PTPN11: variants seen among roughly 807,000 people sequenced by gnomAD.
PTPN11 encodes protein tyrosine phosphatase non-receptor type 11.
PTPN11 carries 6 observed loss-of-function variants against 78.8 expected under a neutral mutation model. That is an observed-to-expected ratio of 0.08 (90% CI 0.04 to 0.15). The LOEUF is 0.15. Among genes scored for constraint, PTPN11 ranks in the 10% least tolerant of loss-of-function variants. The pLI is 1.00. For synonymous variants in PTPN11, 221 were observed against 263.5 expected (o/e 0.84, Z 1.56); for missense variants, 386 against 744.8 (o/e 0.52, Z 5.61).
rs397507550 is a variant in PTPN11, at chr12:112,489,106, G to A, written c.1530G>A (p.Gln510=). The change falls in exon 13 of 16, where the codon CAG becomes CAA. Residue 510 remains glutamine, a synonymous_variant. Coordinates refer to ENST00000351677, the MANE Select transcript of PTPN11 (RefSeq NM_002834.5). ...QRSGMVQTEA[Q]YRFIYMAVQH... is the part of the protein sequence containing the mutation. ...CAGGGATGGTCCAGACAGAAGCACA[G>A]TACCGATTTATCTATATGGCGGTCC... is the stretch of plus-strand genomic sequence containing the variant. 8 of 1,614,098 alleles carry A rather than the reference G, an allele frequency of 5.0e-6. No homozygotes were observed. Among genetic ancestry groups the A allele is most frequent in the African/African-American group, 2.7e-5 (2 of 74,940 alleles).
At chr12:112,458,869 C>CA (rs1485588985) in intron 6 of PTPN11, among the ~76,000 whole-genome samples, 3 of 152,076 alleles carry the variant, frequency 2.0e-5, no homozygotes, top group African/African-American at 7.2e-5. Flanking sequence ...CCCGTCTCTA[C>CA]AAAAAATACA....
In PTPN11 at chr12:112,459,956, T is replaced by C. The variant is rs944556746; in HGVS notation, c.756+3893T>C. 8.6e-5 allele frequency among the ~76,000 whole-genome samples: 13 copies of C among 151,684 alleles called. 1 individual carries two copies. In the South Asian group the frequency reaches 2.5e-3, roughly 29 times the overall value. ...ACACACACACACTTGCAATTTGTGTTTTTTTCTTTTTAGATGGATCTCACT... is the reference window on the plus strand; with the variant it reads ...ACACACACACACTTGCAATTTGTGTCTTTTTCTTTTTAGATGGATCTCACT... On this transcript the variant is annotated intron_variant, in intron 6 of 15. Coordinates refer to ENST00000351677, the MANE Select transcript of PTPN11 (RefSeq NM_002834.5).
intron 5 of PTPN11, among the ~76,000 whole-genome samples, chr12:112,455,232 CTTTTTTTTTTTTT>C (rs997021901): frequency 8.6e-6 from 1 of 116,288 alleles, no homozygotes; most frequent in Admixed American, 8.9e-5. Flanking sequence ...TACAGAGGTT[CTTTTTTTTTTTTT>C]TTTTTTTTGA....
In PTPN11 at chr12:112,492,529, T is replaced by A. The variant is rs537353945; in HGVS notation, c.1599+3354T>A. Among the ~76,000 whole-genome samples, 245 of 152,158 alleles carry A rather than the reference T, an allele frequency of 1.6e-3. 2 individuals are homozygous for A. Among genetic ancestry groups the A allele is most frequent in the Non-Finnish European group, 3.1e-3 (213 of 68,008 alleles). On this transcript the variant is annotated intron_variant, in intron 13 of 15. Coordinates refer to ENST00000351677, the MANE Select transcript of PTPN11 (RefSeq NM_002834.5). Reference sequence around the variant, plus strand: ...TACCTATTTCTCATAATACTTTTTTTTTTTTTGAGATGGAGTCTCGCACCG... The same window carrying A: ...TACCTATTTCTCATAATACTTTTTTATTTTTTGAGATGGAGTCTCGCACCG...
chr12:112,420,588 C>T (rs1026651687), intron 1 of PTPN11, among the ~76,000 whole-genome samples: 1 of 152,132 alleles, frequency 6.6e-6, no homozygotes, highest in South Asian at 2.1e-4. Flanking sequence ...GTGATCCGCC[C>T]GCCTTGGCCT....
intron 1 of PTPN11, among the ~76,000 whole-genome samples, chr12:112,434,984 A>G (rs2037767783): frequency 6.6e-6 from 1 of 151,706 alleles, no homozygotes; most frequent in Non-Finnish European, 1.5e-5. Flanking sequence ...ATGGGGTTTC[A>G]TCATGTTGCC....
intron 2 of PTPN11, among the ~76,000 whole-genome samples, chr12:112,448,004 G>A (rs969358208): frequency 1.3e-5 from 2 of 151,750 alleles, no homozygotes; most frequent in Admixed American, 6.6e-5. Flanking sequence ...GTTTTACCAT[G>A]TTGGCCAGGC....
At chr12:112,459,448 T>G (rs2038214143) in intron 6 of PTPN11, among the ~76,000 whole-genome samples, 1 of 151,524 alleles carries the variant, frequency 6.6e-6, no homozygotes, top group Non-Finnish European at 1.5e-5. Context: ...TTTTTTTTTT[T>G]GAGATAGAGT....
In PTPN11 at chr12:112,478,400, C is replaced by G. The variant is rs555401901; in HGVS notation, c.1092+385C>G. Reference sequence around the variant, plus strand: ...CCAGCCTGGGCAATGTAGTAAGACCCCATCTCTTAAAAAAAAAAAATGTAC... The same window carrying G: ...CCAGCCTGGGCAATGTAGTAAGACCGCATCTCTTAAAAAAAAAAAATGTAC... On this transcript the variant is annotated intron_variant, in intron 9 of 15. Transcript: ENST00000351677. Among the ~76,000 whole-genome samples the G allele has an allele frequency of 2.9e-3, 434 of 151,514 alleles. 5 individuals carry two copies. Among genetic ancestry groups the G allele is most frequent in the African/African-American group, 9.8e-3 (404 of 41,290 alleles).
rs902869022 is a variant in PTPN11, at chr12:112,473,106, C to T, written c.853+66C>T. 4 of 1,318,128 alleles carry T rather than the reference C, an allele frequency of 3.0e-6. No homozygotes were observed. The African/African-American group carries it at 4.4e-5, about 14-fold the overall frequency. 81.7% of individuals were successfully genotyped at this position (1,318,128 alleles called of 1,614,324 possible). A position where few individuals can be genotyped will look rare whatever the true frequency, so the allele number is the denominator to read the frequency against. ...GATTTTGATTCCTAGCACCTCTGTA[C>T]CTTTCCTCAGGGTCGTGTGCTCTTG... On this transcript the variant is annotated intron_variant, in intron 7 of 15. Transcript: ENST00000351677.
chr12:112,439,537 C>T (rs1195982915), intron 1 of PTPN11, among the ~76,000 whole-genome samples: 1 of 151,976 alleles, frequency 6.6e-6, no homozygotes, highest in Non-Finnish European at 1.5e-5. Context: ...GCTGTGATCT[C>T]GGCTCTCTGT....
intron 1 of PTPN11, among the ~76,000 whole-genome samples, chr12:112,424,990 GTGTGTGTGTGTGTGTGTGTA>G (rs1350357416): frequency 1.9e-4 from 27 of 144,266 alleles, no homozygotes; most frequent in African/African-American, 7.6e-4. Context: ...GTGTGTGTGT[GTGTGTGTGTGTGTGTGTGTA>G]TGTAGAGATG....
At chr12:112,431,325 G>T (rs1427303186) in intron 1 of PTPN11, among the ~76,000 whole-genome samples, 2 of 152,172 alleles carry the variant, frequency 1.3e-5, no homozygotes, top group Non-Finnish European at 2.9e-5. Flanking sequence ...GAGCCCAGGA[G>T]TTGGAGCTGC....
chr12:112,496,798 C>A (rs929932148), intron 13 of PTPN11, among the ~76,000 whole-genome samples: 7 of 152,196 alleles, frequency 4.6e-5, no homozygotes, highest in Non-Finnish European at 8.8e-5. Context: ...GAAATACATA[C>A]AACACAGGTA....
At position 112,419,170 on chromosome 12, in the gene PTPN11, C is replaced by T. The variant is rs756338817; in HGVS notation, c.14+45C>T. 5 of 1,479,862 alleles carry T rather than the reference C, an allele frequency of 3.4e-6. No individual in the cohort carries two copies. The South Asian group carries it at 3.9e-5, about 11-fold the overall frequency. 91.7% of individuals were successfully genotyped at this position (1,479,862 alleles called of 1,614,324 possible). On this transcript the variant is annotated intron_variant, in intron 1 of 15. Coordinates refer to ENST00000351677, the MANE Select transcript of PTPN11 (RefSeq NM_002834.5). The stretch of plus-strand genomic sequence containing the variant: ...CCGGCGCGGGCCTCGGCCCGGCCAC[C>T]GCCGCGTTCGGTTAGCCCCGTCCGG...
chr12:112,461,992 T>A (rs2135880859), intron 6 of PTPN11, among the ~76,000 whole-genome samples: 1 of 152,314 alleles, frequency 6.6e-6, no homozygotes, highest in East Asian at 1.9e-4. Flanking sequence ...GACTTCCCAA[T>A]AATATGATTA....
intron 7 of PTPN11, among the ~76,000 whole-genome samples, chr12:112,475,767 C>T (rs1249035349): frequency 6.6e-6 from 1 of 152,082 alleles, no homozygotes; most frequent in Non-Finnish European, 1.5e-5. Flanking sequence ...CTTTCTCTTT[C>T]TGCATGCATA....
chr12:112,473,187 A>G, intron 7 of PTPN11, 147 bp downstream of exon 7: 1 of 706,172 alleles, frequency 1.4e-6, no homozygotes, highest in Non-Finnish European at 2.5e-6. Context: ...AAAATAATCA[A>G]CCATGGTGGG....
At chr12:112,427,373 T>C (rs1168749158) in intron 1 of PTPN11, among the ~76,000 whole-genome samples, 1 of 151,708 alleles carries the variant, frequency 6.6e-6, no homozygotes, top group East Asian at 1.9e-4. Flanking sequence ...GGTGAAACCC[T>C]GTCTCTACTA....
Sources: allele counts gnomAD v4.1 joint callset (sites outside exome capture counted in the v4.1 genomes callset), GRCh38; gene constraint gnomAD v4.1.1; transcripts MANE v1.5; gene names NCBI Gene and HGNC (gene_info 2026-07-23, HGNC 2026-07-21).